GABRA3: variants seen among roughly 807,000 people sequenced by gnomAD.
GABRA3 encodes gamma-aminobutyric acid receptor subunit alpha-3.
In GABRA3, 10 loss-of-function variants were observed where a neutral mutation model predicts 30.1. That is an observed-to-expected ratio of 0.33 (90% CI 0.20 to 0.56). GABRA3 has a LOEUF of 0.56. Among genes scored for constraint, GABRA3 ranks in the 20% least tolerant of loss-of-function variants. GABRA3 has a pLI of 0.89. For synonymous variants in GABRA3, 151 were observed against 146.8 expected, an observed-to-expected ratio of 1.03 and a Z score of -0.21; for missense variants, 233 against 392.0, an observed-to-expected ratio of 0.59 and a Z score of 3.42.
chrX:152,303,826 C>T (rs971475423), intron 3 of GABRA3, among the ~76,000 whole-genome samples: 3 of 108,556 alleles, frequency 2.8e-5, no homozygotes, highest in South Asian at 4.1e-4. Context: ...TGGGGGCCAA[C>T]GGGGGGAGAG....
chrX:152,306,765 G>A (rs915021203), intron 3 of GABRA3, among the ~76,000 whole-genome samples: 2 of 112,081 alleles, frequency 1.8e-5, no homozygotes, highest in African/African-American at 6.5e-5. Context: ...CTGAATTTCA[G>A]TTTTAAACCA....
At chrX:152,214,624 G>A (rs1937682341) in intron 6 of GABRA3, among the ~76,000 whole-genome samples, 1 of 111,171 alleles carries the variant, frequency 9.0e-6, no homozygotes, top group African/African-American at 3.3e-5. Context: ...TGTCATTGGT[G>A]TTTTGATAGC....
rs1569426331 is a variant in GABRA3, at chrX:152,444,754, T to TTTG, written c.-27+6391_-27+6392insCAA. Among the ~76,000 whole-genome samples, 51 of 90,069 alleles carry TTTG rather than the reference T, an allele frequency of 5.7e-4. 1 individual carries two copies. The highest frequency in any genetic ancestry group is 9.9e-4 in the East Asian group (3 of 3,028). The allele number at this position is 90,069 out of a possible 115,157, so 78.2% of individuals were successfully genotyped here. On this transcript the variant is annotated intron_variant, in intron 1 of 9. Coordinates refer to ENST00000370314, the MANE Select transcript of GABRA3 (RefSeq NM_000808.4). The stretch of plus-strand genomic sequence containing the variant: ...TGTGTGTTTTTTTTTTTTTGTTTTT[T>TTTG]TTTGTTTGTTTGTTTGTTTTTTTTT...
At chrX:152,282,247 G>A (rs1184352294) in intron 4 of GABRA3, among the ~76,000 whole-genome samples, 2 of 111,351 alleles carry the variant, frequency 1.8e-5, no homozygotes, top group Non-Finnish European at 3.8e-5. Flanking sequence ...CTGGAAATGA[G>A]CCAAGAACCC....
At chrX:152,306,891 G>A (rs1308199766) in intron 3 of GABRA3, among the ~76,000 whole-genome samples, 5 of 111,111 alleles carry the variant, frequency 4.5e-5, no homozygotes, top group African/African-American at 1.6e-4. Flanking sequence ...CAACATGCCT[G>A]CCCCAGCTTT....
chrX:152,291,215 T>C (rs1283391322), intron 3 of GABRA3, among the ~76,000 whole-genome samples: 1 of 111,829 alleles, frequency 8.9e-6, no homozygotes, highest in Non-Finnish European at 1.9e-5. Flanking sequence ...TAGCTCTCCT[T>C]GAAGAGGTCC....
intron 3 of GABRA3, among the ~76,000 whole-genome samples, chrX:152,293,629 T>G (rs1373164119): frequency 8.9e-6 from 1 of 111,932 alleles, no homozygotes. Context: ...ACTGTTATTG[T>G]TAACAAACAA....
chrX:152,275,302 A>G (rs1243224148), intron 4 of GABRA3, among the ~76,000 whole-genome samples: 1 of 71,246 alleles, frequency 1.4e-5, no homozygotes, highest in African/African-American at 6.3e-5. Context: ...TTAATATTAT[A>G]TATAAATATA....
intron 1 of GABRA3, among the ~76,000 whole-genome samples, chrX:152,396,047 T>C (rs369787691): frequency 8.9e-6 from 1 of 112,297 alleles, no homozygotes; most frequent in Non-Finnish European, 1.9e-5. Flanking sequence ...TATTTGGTAA[T>C]AGGGTCTTTG....
chrX:152,232,046 T>G (rs898742537), intron 5 of GABRA3, among the ~76,000 whole-genome samples: 8 of 111,507 alleles, frequency 7.2e-5, no homozygotes, highest in Non-Finnish European at 9.4e-5. Context: ...TTTTTGGAAG[T>G]GATAGTATGT....
intron 1 of GABRA3, among the ~76,000 whole-genome samples, chrX:152,432,598 G>A (rs1930673605): frequency 9.0e-6 from 1 of 110,710 alleles, no homozygotes; most frequent in Admixed American, 9.6e-5. Flanking sequence ...AATTGAACCA[G>A]GAGGCTAAAC....
intron 1 of GABRA3, among the ~76,000 whole-genome samples, chrX:152,382,929 T>C (rs955482220): frequency 1.1e-4 from 12 of 112,246 alleles, no homozygotes; most frequent in Non-Finnish European, 2.3e-4. Flanking sequence ...ACAACTGCTT[T>C]ATAATAGACT....
chrX:152,426,998 G>A (rs1930529540), intron 1 of GABRA3, among the ~76,000 whole-genome samples: 1 of 111,621 alleles, frequency 9.0e-6, no homozygotes, highest in Admixed American at 9.5e-5. Flanking sequence ...ACTGTTCTAA[G>A]CACTTTATAT....
At chrX:152,360,331 G>A (rs1328445528) in intron 2 of GABRA3, among the ~76,000 whole-genome samples, 1 of 76,895 alleles carries the variant, frequency 1.3e-5, no homozygotes, top group Admixed American at 1.6e-4. Flanking sequence ...AGCACCTGTT[G>A]TTTCCTGACT....
At chrX:152,361,385 C>T (rs1302919698) in intron 2 of GABRA3, among the ~76,000 whole-genome samples, 1 of 108,273 alleles carries the variant, frequency 9.2e-6, no homozygotes, top group Admixed American at 1.0e-4. Context: ...CCAGCCTGAC[C>T]AACATGGTGA....
intron 1 of GABRA3, among the ~76,000 whole-genome samples, chrX:152,406,091 C>A (rs1433111462): frequency 9.1e-6 from 1 of 109,729 alleles, no homozygotes; most frequent in African/African-American, 3.3e-5. Context: ...AGAGTCACAT[C>A]ATTCCCGAGT....
At chrX:152,242,594 T>A in intron 5 of GABRA3, among the ~76,000 whole-genome samples, 1 of 112,183 alleles carries the variant, frequency 8.9e-6, no homozygotes, top group Non-Finnish European at 1.9e-5. Flanking sequence ...ATTTTTAATA[T>A]AGGCAAAGGA....
Position 152,340,543 on chromosome X carries a change from T to C in GABRA3, c.262+5038A>G, listed in dbSNP as rs752938414. Among the ~76,000 whole-genome samples the C allele has an allele frequency of 6.2e-5, 7 of 112,155 alleles. No individual in the cohort carries two copies. In the South Asian group the frequency reaches 2.6e-3, roughly 41 times the overall value. ...TGCTGGTGATGAATCTTTTTAAGTG[T>C]TTATGTGTTTGAAAAAAGTGTTTAT... is the stretch of plus-strand genomic sequence containing the variant. On this transcript the variant is annotated intron_variant, in intron 3 of 9. Transcript: ENST00000370314.
At chrX:152,327,979 G>A (rs933880705) in intron 3 of GABRA3, among the ~76,000 whole-genome samples, 10 of 110,510 alleles carry the variant, frequency 9.0e-5, no homozygotes, top group Non-Finnish European at 1.9e-4. Context: ...AGAAATGAGA[G>A]AAGAATCAAA....
Sources: gnomAD v4.1 joint callset for allele counts (sites outside exome capture counted in the v4.1 genomes callset) on GRCh38, gnomAD v4.1.1 for gene constraint, MANE v1.5 for transcripts, NCBI Gene and HGNC (gene_info 2026-07-23, HGNC 2026-07-21) for gene names.